MAPK10: variants seen among roughly 807,000 people sequenced by gnomAD.
MAPK10 encodes the protein JNK3 alpha protein kinase.
A neutral mutation model predicts 59.3 loss-of-function variants in MAPK10; 25 were observed. The observed-to-expected ratio is 0.42, with a 90% confidence interval of 0.31 to 0.59. The LOEUF (loss-of-function observed/expected upper bound fraction) is 0.59, where lower values mean the gene tolerates loss of function less well. MAPK10 is among the 20% of genes least tolerant of loss of function. The probability of loss-of-function intolerance (pLI) is 0.15; values close to 1 mark genes in which losing one functional copy is unlikely to be tolerated. For missense variants in MAPK10, 351 were observed against 568.9 expected (o/e 0.62, Z 3.90); for synonymous variants, 190 against 200.5 (o/e 0.95, Z 0.44).
intron 1 of MAPK10, among the ~76,000 whole-genome samples, chr4:86,581,890 CTATATATATTATATATATATATA>C (rs1762301148): frequency 9.2e-6 from 1 of 108,326 alleles, no homozygotes; most frequent in South Asian, 2.9e-4. Context: ...ACACTTTAAG[CTATATATATTATATATATATATA>C]TATATATATA....
intron 4 of MAPK10, among the ~76,000 whole-genome samples, chr4:86,134,694 A>G (rs2061578107): frequency 6.6e-6 from 1 of 152,264 alleles, no homozygotes; most frequent in South Asian, 2.1e-4. Flanking sequence ...AAGATGGCCG[A>G]ATAGGAACAG....
intron 1 of MAPK10, among the ~76,000 whole-genome samples, chr4:86,481,252 A>G (rs1358449808): frequency 6.6e-6 from 1 of 152,014 alleles, no homozygotes; most frequent in Admixed American, 6.6e-5. Flanking sequence ...CTTGGGGGAG[A>G]AAGTGAAGTG....
intron 4 of MAPK10, among the ~76,000 whole-genome samples, chr4:86,134,887 C>G (rs947366275): frequency 2.6e-5 from 4 of 152,194 alleles, no homozygotes; most frequent in Admixed American, 2.6e-4. Flanking sequence ...TGCAAGGGGT[C>G]AGGGAGTTCC....
At chr4:86,075,242 C>T (rs1675474157) in intron 9 of MAPK10, among the ~76,000 whole-genome samples, 2 of 152,158 alleles carry the variant, frequency 1.3e-5, no homozygotes, top group Non-Finnish European at 2.9e-5. Context: ...TTTTCAGCTC[C>T]ATCAGCTCCT....
intron 2 of MAPK10, among the ~76,000 whole-genome samples, chr4:86,305,087 CTTGA>C (rs1408972035): frequency 6.6e-6 from 1 of 152,082 alleles, no homozygotes; most frequent in African/African-American, 2.4e-5. Context: ...TATGGTACTT[CTTGA>C]TTATTTAGTA....
At chr4:86,026,631 C>T (rs556302623) in intron 13 of MAPK10, 10 of 152,174 alleles carry the variant, frequency 6.6e-5, no homozygotes, top group Admixed American at 5.9e-4. Context: ...ACTGCATTAA[C>T]TTACTCCCTT....
intron 2 of MAPK10, among the ~76,000 whole-genome samples, chr4:86,352,869 T>C (rs1205419866): frequency 1.3e-5 from 2 of 152,218 alleles, no homozygotes; most frequent in Non-Finnish European, 2.9e-5. Flanking sequence ...TCCAAACTCC[T>C]TAATTTTGTC....
At chr4:86,090,649 A>T (rs1247531116) in intron 9 of MAPK10, 1 of 152,188 alleles carries the variant, frequency 6.6e-6, no homozygotes, top group East Asian at 1.9e-4. Flanking sequence ...TGATTAAAGA[A>T]AAAAACGGAA....
At chr4:86,574,807 T>C (rs1398541283) in intron 1 of MAPK10, among the ~76,000 whole-genome samples, 1 of 152,210 alleles carries the variant, frequency 6.6e-6, no homozygotes, top group Non-Finnish European at 1.5e-5. Context: ...CTGAGAATGC[T>C]GATAGTTTTA....
chr4:86,337,611 G>A (rs1722302229), intron 2 of MAPK10, among the ~76,000 whole-genome samples: 2 of 152,192 alleles, frequency 1.3e-5, no homozygotes, highest in South Asian at 4.1e-4. Flanking sequence ...AACCTAGGAG[G>A]AGGGACCATG....
At chr4:86,488,298 T>C (rs1754178296) in intron 1 of MAPK10, among the ~76,000 whole-genome samples, 1 of 152,164 alleles carries the variant, frequency 6.6e-6, no homozygotes, top group African/African-American at 2.4e-5. Flanking sequence ...AAGAACCTAT[T>C]GTAAGATGTC....
intron 1 of MAPK10, among the ~76,000 whole-genome samples, chr4:86,429,247 C>A (rs796087571): frequency 6.6e-6 from 1 of 152,040 alleles, no homozygotes. Flanking sequence ...GATTTCGAAG[C>A]CTTAATCATT....
At chr4:86,080,398 AC>A (rs1234049883) in intron 9 of MAPK10, 1 of 151,936 alleles carries the variant, frequency 6.6e-6, no homozygotes, top group Non-Finnish European at 1.5e-5. Context: ...TACCAGCAAT[AC>A]TGTAAACAAA....
intron 2 of MAPK10, among the ~76,000 whole-genome samples, chr4:86,276,829 G>A (rs2094594751): frequency 6.6e-6 from 1 of 152,116 alleles, no homozygotes; most frequent in Non-Finnish European, 1.5e-5. Context: ...CTGAAGCCCA[G>A]AAAGGCTAAT....
chr4:86,290,096 T>A (rs1409228491), intron 2 of MAPK10, among the ~76,000 whole-genome samples: 1 of 152,126 alleles, frequency 6.6e-6, no homozygotes, highest in Non-Finnish European at 1.5e-5. Context: ...CAGATTTAAG[T>A]GTGTTTGGCC....
At chr4:86,097,642 T>C (rs1580192741) in intron 9 of MAPK10, among the ~76,000 whole-genome samples, 2 of 152,210 alleles carry the variant, frequency 1.3e-5, no homozygotes, top group South Asian at 4.1e-4. Context: ...CTAGTATTTG[T>C]AGTAAGGTAT....
At chr4:86,419,410 C>T (rs1333275726) in intron 1 of MAPK10, among the ~76,000 whole-genome samples, 1 of 152,100 alleles carries the variant, frequency 6.6e-6, no homozygotes, top group African/African-American at 2.4e-5. Context: ...TGTGTATATA[C>T]ATTTATGTAC....
intron 1 of MAPK10, among the ~76,000 whole-genome samples, chr4:86,465,863 C>T (rs1026618029): frequency 2.6e-5 from 4 of 152,164 alleles, no homozygotes; most frequent in Admixed American, 6.5e-5. Context: ...ACACAGCCAC[C>T]TACCTGGGGA....
intron 1 of MAPK10, among the ~76,000 whole-genome samples, chr4:86,535,418 T>TA (rs1758163466): frequency 1.3e-5 from 2 of 152,282 alleles, no homozygotes; most frequent in Admixed American, 1.3e-4. Context: ...AATATATATA[T>TA]TTTTTGAGAC....
Sources: gnomAD v4.1 joint callset for allele counts (sites outside exome capture counted in the v4.1 genomes callset) on GRCh38, gnomAD v4.1.1 for gene constraint, MANE v1.5 for transcripts, NCBI Gene and HGNC (gene_info 2026-07-23, HGNC 2026-07-21) for gene names.